Variants in MAST2 observed in about 807,000 individuals in gnomAD.
MAST2 encodes the protein microtubule-associated serine/threonine-protein kinase 2.
MAST2 carries 70 observed loss-of-function variants against 147.4 expected under a neutral mutation model. That is an observed-to-expected ratio of 0.47 (90% CI 0.39 to 0.58). The LOEUF (loss-of-function observed/expected upper bound fraction) is 0.58. MAST2 is among the 20% of genes least tolerant of loss of function. The probability of loss-of-function intolerance (pLI) is 0.00; values close to 1 mark genes in which losing one functional copy is unlikely to be tolerated. For synonymous variants in MAST2, 869 were observed against 896.8 expected, an observed-to-expected ratio of 0.97 and a Z score of 0.55; for missense variants, 2,080 against 2,302.3, an observed-to-expected ratio of 0.90 and a Z score of 1.98.
chr1:46,013,570 C>T (rs968093609), intron 10 of MAST2, among the ~76,000 whole-genome samples: 2 of 151,746 alleles, frequency 1.3e-5, no homozygotes, highest in East Asian at 1.9e-4. Context: ...ATCCCAGCCG[C>T]TCGGGAGGCT....
At chr1:45,923,443 C>CT (rs942001756) in intron 4 of MAST2, among the ~76,000 whole-genome samples, 54 of 152,328 alleles carry the variant, frequency 3.5e-4, no homozygotes, top group African/African-American at 1.3e-3. Context: ...ACTCTGAGCA[C>CT]TTACTAGCTC....
At chr1:45,982,165 A>C (rs1051592055) in intron 5 of MAST2, among the ~76,000 whole-genome samples, 4 of 152,138 alleles carry the variant, frequency 2.6e-5, no homozygotes, top group African/African-American at 9.7e-5. Flanking sequence ...TTGGCCTTTT[A>C]AGGTAAATGT....
intron 4 of MAST2, among the ~76,000 whole-genome samples, chr1:45,946,237 A>C (rs1307257963): frequency 6.6e-6 from 1 of 152,048 alleles, no homozygotes; most frequent in Non-Finnish European, 1.5e-5. Context: ...AACTGTGTGA[A>C]TGTCAACTGC....
chr1:45,903,528 T>A (rs1650161786), intron 4 of MAST2, among the ~76,000 whole-genome samples: 1 of 152,244 alleles, frequency 6.6e-6, no homozygotes, highest in Non-Finnish European at 1.5e-5. Context: ...ATTTTTTGAT[T>A]TCTGCCTTAA....
At chr1:45,894,659 T>C (rs895911013) in intron 4 of MAST2, among the ~76,000 whole-genome samples, 1 of 152,152 alleles carries the variant, frequency 6.6e-6, no homozygotes, top group Non-Finnish European at 1.5e-5. Flanking sequence ...TTTTAACCAG[T>C]TTTAGCTTTT....
At chr1:45,955,556 G>A (rs1249146528) in intron 4 of MAST2, among the ~76,000 whole-genome samples, 1 of 152,142 alleles carries the variant, frequency 6.6e-6, no homozygotes, top group Non-Finnish European at 1.5e-5. Flanking sequence ...GGGAGGGTTT[G>A]CAATTTTAAA....
At chr1:45,903,345 G>C (rs1014893301) in intron 4 of MAST2, among the ~76,000 whole-genome samples, 1 of 151,912 alleles carries the variant, frequency 6.6e-6, no homozygotes, top group Non-Finnish European at 1.5e-5. Flanking sequence ...GCCCAGGCTG[G>C]TCTCAAACTC....
In MAST2 at chr1:46,013,547, A is replaced by T. The variant is rs147888977; in HGVS notation, c.1188+2608A>T. Among the ~76,000 whole-genome samples the T allele has an allele frequency of 5.8e-3, 887 of 152,034 alleles. 4 individuals carry two copies. The highest frequency in any genetic ancestry group is 0.021 in the South Asian group (101 of 4,816). ...AATACAAAATTAGCTGAGCATGGTGACGCACGCCTGTAATCCCAGCCGCTC... is the reference window on the plus strand; with the variant it reads ...AATACAAAATTAGCTGAGCATGGTGTCGCACGCCTGTAATCCCAGCCGCTC... On this transcript the variant is annotated intron_variant, in intron 10 of 28. Transcript: ENST00000361297.
intron 4 of MAST2, chr1:45,917,478 C>T: frequency 7.3e-7 from 1 of 1,366,578 alleles, no homozygotes; most frequent in Non-Finnish European, 9.8e-7. Flanking sequence ...TTTCCTGAAC[C>T]CACGAGCCCA....
chr1:45,925,773 C>T (rs1333607245), intron 4 of MAST2, among the ~76,000 whole-genome samples: 1 of 152,188 alleles, frequency 6.6e-6, no homozygotes, highest in African/African-American at 2.4e-5. Flanking sequence ...GAATTTCTTC[C>T]ATACAATGTC....
chr1:45,912,293 T>C (rs1365602069), intron 4 of MAST2, among the ~76,000 whole-genome samples: 1 of 152,236 alleles, frequency 6.6e-6, no homozygotes, highest in Admixed American at 6.5e-5. Context: ...AAATAAAGTT[T>C]ACATTATGAC....
intron 4 of MAST2, among the ~76,000 whole-genome samples, chr1:45,920,884 C>T (rs571558494): frequency 6.6e-6 from 1 of 152,068 alleles, no homozygotes. Flanking sequence ...CTGAGTAAAT[C>T]TGTTTTATAG....
Position 45,855,079 on chromosome 1 carries a change from G to A in MAST2, c.468+25498G>A, listed in dbSNP as rs115595401. Among the ~76,000 whole-genome samples, 1,005 of 152,260 alleles carry A rather than the reference G, an allele frequency of 6.6e-3. 12 individuals are homozygous for A. The highest frequency in any genetic ancestry group is 0.023 in the African/African-American group (969 of 41,558). ...TTTTCATGGCAGCTTTATCACATAG[G>A]CATGATCCCCTTCCCAGAGGATTGG... On this transcript the variant is annotated intron_variant, in intron 3 of 28. Coordinates refer to ENST00000361297, the MANE Select transcript of MAST2 (RefSeq NM_015112.3).
intron 5 of MAST2, among the ~76,000 whole-genome samples, chr1:45,966,616 G>A (rs1661249049): frequency 6.6e-6 from 1 of 152,110 alleles, no homozygotes; most frequent in Non-Finnish European, 1.5e-5. Context: ...CAGGTACTTG[G>A]GAGGCTGACG....
At chr1:45,964,587 T>C (rs941025850) in intron 5 of MAST2, among the ~76,000 whole-genome samples, 2 of 152,176 alleles carry the variant, frequency 1.3e-5, no homozygotes, top group Non-Finnish European at 2.9e-5. Flanking sequence ...TTTTATTGTG[T>C]CTATTTGATT....
intron 4 of MAST2, among the ~76,000 whole-genome samples, chr1:45,921,404 T>C (rs528347257): frequency 1.2e-3 from 188 of 152,272 alleles, no homozygotes; most frequent in African/African-American, 4.3e-3. Context: ...CTTTGTTTGC[T>C]CAGGCCTGCT....
chr1:45,959,553 T>A (rs1660111819), intron 5 of MAST2, 76 bp downstream of exon 5: 1 of 1,218,786 alleles, frequency 8.2e-7, no homozygotes, highest in Non-Finnish European at 1.2e-6. Context: ...ACTTCTCATG[T>A]TGTGCAGTTC....
At chr1:45,943,451 G>A (rs552522163) in intron 4 of MAST2, among the ~76,000 whole-genome samples, 1 of 152,318 alleles carries the variant, frequency 6.6e-6, no homozygotes, top group South Asian at 2.1e-4. Context: ...GTTGGACACT[G>A]TTGGTCACAA....
Position 46,023,061 on chromosome 1 carries a change from A to G in MAST2, c.1485+90A>G. ...TTCTCTTTAAGAGAATATCTGAGGA[A>G]GGGATGGGGGAGTTGGTGACAGCAA... On this transcript the variant is annotated intron_variant, in intron 13 of 28. Transcript: ENST00000361297. This position sits in a 1 kb window ranked among gnomAD's most constrained non-coding sequence, Gnocchi z 4.9. 1 of 1,354,876 alleles carries G rather than the reference A, an allele frequency of 7.4e-7. No individual in the cohort carries two copies. The highest frequency in any genetic ancestry group is 1.1e-6 in the Non-Finnish European group (1 of 950,000). The allele number at this position is 1,354,876 out of a possible 1,614,324, so 83.9% of individuals were successfully genotyped here.
Sources: gnomAD v4.1 joint callset for allele counts (sites outside exome capture counted in the v4.1 genomes callset) on GRCh38, gnomAD v4.1.1 for gene constraint, Gnocchi (gnomAD v3.1) non-coding constraint, MANE v1.5 for transcripts, NCBI Gene and HGNC (gene_info 2026-07-23, HGNC 2026-07-21) for gene names.